Variants in CD163L1 observed in about 807,000 individuals in gnomAD.
CD163L1 encodes the protein scavenger receptor cysteine-rich type 1 protein M160.
A neutral mutation model predicts 165.4 loss-of-function variants in CD163L1; 124 were observed. The observed-to-expected ratio is 0.75, with a 90% confidence interval of 0.65 to 0.87. The LOEUF (loss-of-function observed/expected upper bound fraction) is 0.87, where lower values mean the gene tolerates loss of function less well. CD163L1 is among the 40% of genes least tolerant of loss of function. The probability of loss-of-function intolerance (pLI) is 0.00; values close to 1 mark genes in which losing one functional copy is unlikely to be tolerated. For missense variants in CD163L1, 1,525 were observed against 1,799.9 expected (o/e 0.85, Z 2.76); for synonymous variants, 585 against 662.2 (o/e 0.88, Z 1.79).
chr12:7,422,751 ATGTGTGTGTGTG>A (rs72061380), intron 4 of CD163L1, among the ~76,000 whole-genome samples: 4 of 143,894 alleles, frequency 2.8e-5, no homozygotes, highest in Non-Finnish European at 6.1e-5. Flanking sequence ...ATATATACAT[ATGTGTGTGTGTG>A]TGTGTGTGTG....
chr12:7,334,315 G>C, the CD163L1 span, among the ~76,000 whole-genome samples: 1 of 152,014 alleles, frequency 6.6e-6, no homozygotes, highest in Non-Finnish European at 1.5e-5. Flanking sequence ...CTTCATCCCT[G>C]GGATGCAAGG....
intron 4 of CD163L1, among the ~76,000 whole-genome samples, chr12:7,409,013 G>A (rs890723980): frequency 2.6e-5 from 4 of 152,274 alleles, no homozygotes; most frequent in Admixed American, 2.6e-4. Flanking sequence ...TATTGCATGT[G>A]TATATGACTT....
intron 18 of CD163L1, 192 bp from the exon 19 acceptor site, chr12:7,357,678 A>G (rs1946806269): frequency 2.6e-6 from 1 of 384,578 alleles, no homozygotes; most frequent in Non-Finnish European, 4.7e-6. Flanking sequence ...ATAAACCATT[A>G]AGTGTTACCA....
chr12:7,437,749 T>C (rs1158530476), intron 2 of CD163L1, among the ~76,000 whole-genome samples: 1 of 151,812 alleles, frequency 6.6e-6, no homozygotes, highest in Non-Finnish European at 1.5e-5. Context: ...GAATCACCCT[T>C]GTATACTGTG....
At chr12:7,412,127 T>A (rs1948149620) in intron 4 of CD163L1, among the ~76,000 whole-genome samples, 1 of 152,232 alleles carries the variant, frequency 6.6e-6, no homozygotes, top group Non-Finnish European at 1.5e-5. Context: ...CTATAGGACA[T>A]TCCTTTTTGA....
chr12:7,359,362 G>A (rs1946845615), intron 18 of CD163L1, among the ~76,000 whole-genome samples: 1 of 151,952 alleles, frequency 6.6e-6, no homozygotes, highest in African/African-American at 2.4e-5. Flanking sequence ...AATATTAAAA[G>A]AAGCCAGAGG....
At chr12:7,426,356 C>T (rs1948542988) in intron 4 of CD163L1, among the ~76,000 whole-genome samples, 7 of 151,900 alleles carry the variant, frequency 4.6e-5, no homozygotes, top group Admixed American at 4.6e-4. Context: ...GGCTTAAAAC[C>T]TAGATGACAG....
chr12:7,354,604 T>TA (rs1946738287), downstream of CD163L1, among the ~76,000 whole-genome samples: 1 of 152,166 alleles, frequency 6.6e-6, no homozygotes, highest in Admixed American at 6.6e-5. Flanking sequence ...TTTGGGCTGC[T>TA]GTAAGAGAAT....
In CD163L1 at chr12:7,347,920, A is replaced by G. The variant is rs138730837; in HGVS notation, c.*25-773T>C. 1.5e-3 allele frequency among the ~76,000 whole-genome samples: 233 copies of G among 152,332 alleles called. 1 individual carries two copies. The highest frequency in any genetic ancestry group is 5.2e-3 in the African/African-American group (217 of 41,582). On this transcript the variant is annotated intron_variant, in intron 4 of 4. Transcript: ENST00000539726. This position sits in a 1 kb window ranked among gnomAD's most constrained non-coding sequence, Gnocchi z 4.2. ...CATTGAACTATTATTGAGTTTCCACATGAGCTTCACATGTCATTCAAATGT... is the reference window on the plus strand; with the variant it reads ...CATTGAACTATTATTGAGTTTCCACGTGAGCTTCACATGTCATTCAAATGT...
intron 14 of CD163L1, 37 bp downstream of exon 14, chr12:7,373,283 G>A (rs781202762): frequency 2.0e-6 from 3 of 1,520,734 alleles, no homozygotes; most frequent in East Asian, 2.3e-5. Context: ...TATTTCACAG[G>A]GCTTCAGTGA....
At chr12:7,353,803 T>C (rs993197316), downstream of CD163L1, among the ~76,000 whole-genome samples, 17 of 152,086 alleles carry the variant, frequency 1.1e-4, no homozygotes, top group African/African-American at 4.1e-4. Flanking sequence ...TTAAACTTTC[T>C]AAACATAGAA....
chr12:7,371,837 G>A (rs1947152235), intron 14 of CD163L1, among the ~76,000 whole-genome samples: 1 of 151,764 alleles, frequency 6.6e-6, no homozygotes, highest in African/African-American at 2.4e-5. Flanking sequence ...AGAGCAGGGA[G>A]CACAAATATG....
intron 8 of CD163L1, among the ~76,000 whole-genome samples, chr12:7,388,163 A>G (rs778442466): frequency 4.6e-5 from 7 of 152,332 alleles, no homozygotes; most frequent in African/African-American, 1.7e-4. Context: ...ATCAACCTAT[A>G]AAACTACTAG....
chr12:7,320,658 G>T, the CD163L1 span: 1 of 1,320,636 alleles, frequency 7.6e-7, no homozygotes, highest in Non-Finnish European at 1.1e-6. Flanking sequence ...ACAGGGTGTA[G>T]ATATCAGCTC....
the CD163L1 span, among the ~76,000 whole-genome samples, chr12:7,335,638 A>T: frequency 6.6e-6 from 1 of 152,244 alleles, no homozygotes; most frequent in Non-Finnish European, 1.5e-5. Context: ...CAATGGCAAC[A>T]AAAGGCAAAA....
intron 4 of CD163L1, among the ~76,000 whole-genome samples, chr12:7,411,537 C>T (rs1948137759): frequency 6.6e-6 from 1 of 152,122 alleles, no homozygotes; most frequent in East Asian, 1.9e-4. Flanking sequence ...TGGCACCTCC[C>T]CCACCACCTT....
chr12:7,356,923 G>A (rs1221589329), intron 19 of CD163L1, among the ~76,000 whole-genome samples: 1 of 152,044 alleles, frequency 6.6e-6, no homozygotes, highest in East Asian at 1.9e-4. Flanking sequence ...AGCCACCTAC[G>A]TTTAATAAAT....
chr12:7,344,431 C>T (rs957207002), downstream of CD163L1, among the ~76,000 whole-genome samples: 1 of 152,198 alleles, frequency 6.6e-6, no homozygotes, highest in African/African-American at 2.4e-5. Flanking sequence ...GCTTTAACTT[C>T]ATGTACCACA....
chr12:7,416,182 T>C (rs1361470586), intron 4 of CD163L1, among the ~76,000 whole-genome samples: 1 of 152,140 alleles, frequency 6.6e-6, no homozygotes, highest in Non-Finnish European at 1.5e-5. Flanking sequence ...CCAGTGATGA[T>C]GAGCTTTTTT....
Sources: allele counts gnomAD v4.1 joint callset (sites outside exome capture counted in the v4.1 genomes callset), GRCh38; gene constraint gnomAD v4.1.1; non-coding constraint Gnocchi (gnomAD v3.1); transcripts MANE v1.5; gene names NCBI Gene and HGNC (gene_info 2026-07-23, HGNC 2026-07-21).